LGI4: variants seen among roughly 807,000 people sequenced by gnomAD.
The protein encoded by LGI4 is leucine-rich repeat LGI family member 4.
LGI4 carries 36 observed loss-of-function variants against 48.3 expected under a neutral mutation model. The observed-to-expected ratio is 0.75, with a 90% CI of 0.57 to 0.98. The LOEUF (loss-of-function observed/expected upper bound fraction) is 0.98. Ranked by LOEUF, LGI4 falls within the 50% of genes least tolerant of loss-of-function variation. The pLI is 0.00. For missense variants in LGI4, 701 were observed against 732.1 expected, an observed-to-expected ratio of 0.96 and a Z score of 0.49; for synonymous variants, 355 against 331.6, an observed-to-expected ratio of 1.07 and a Z score of -0.77.
intron 6 of LGI4, among the ~76,000 whole-genome samples, chr19:35,127,795 T>A (rs1477496816): frequency 6.6e-6 from 1 of 152,226 alleles, no homozygotes; most frequent in Admixed American, 6.5e-5. Flanking sequence ...CATTCTGTGA[T>A]GATTTCCCCT....
chr19:35,125,063 T>C lies in LGI4; in HGVS notation c.*130A>G. On this transcript the variant is annotated 3_prime_UTR_variant, in exon 9 of 9. Coordinates refer to ENST00000310123, the MANE Select transcript of LGI4 (RefSeq NM_139284.3). ...TCCTTTAAGAAGTGGGCTTAAGGCC[T>C]AGACGTGTGGCTGATGAACGTGGCC... 1.4e-6 allele frequency: 1 copy of C among 740,682 alleles called. No individual in the cohort carries two copies. Among genetic ancestry groups the C allele is most frequent in the Non-Finnish European group, 2.1e-6 (1 of 477,136 alleles). The allele number at this position is 740,682 out of a possible 1,614,324, so 45.9% of individuals were successfully genotyped here.
chr19:35,132,572 C>T (rs529360749), intron 3 of LGI4, among the ~76,000 whole-genome samples: 1 of 152,288 alleles, frequency 6.6e-6, no homozygotes, highest in Admixed American at 6.5e-5. Context: ...CCAATAACTG[C>T]TGTTATCCCC....
rs984847581 is a variant in LGI4 at position 35,125,076 on chromosome 19, G to A, written c.*117C>T. On this transcript the variant is annotated 3_prime_UTR_variant, in exon 9 of 9. Transcript: ENST00000310123. ...GGGCTTAAGGCCTAGACGTGTGGCT[G>A]ATGAACGTGGCCCACGGTCAGCAGC... 6 of 835,862 alleles carry A rather than the reference G, an allele frequency of 7.2e-6. No homozygotes were observed. Among genetic ancestry groups the A allele is most frequent in the East Asian group, 2.7e-5 (1 of 37,468 alleles). The allele number at this position is 835,862 out of a possible 1,614,324, so 51.8% of individuals were successfully genotyped here. A position where few individuals can be genotyped will look rare whatever the true frequency, so the allele number is the denominator to read the frequency against.
intron 4 of LGI4, 54 bp downstream of exon 4, chr19:35,131,915 TGG>T (rs971484223): frequency 1.5e-4 from 232 of 1,566,536 alleles, no homozygotes; most frequent in Non-Finnish European, 1.9e-4. Flanking sequence ...CTGTGTTCCC[TGG>T]GGGGTGGAGC....
At chr19:35,134,388 C>T in intron 1 of LGI4, 123 bp downstream of exon 1, 5 of 1,021,990 alleles carry the variant, frequency 4.9e-6, no homozygotes, top group South Asian at 3.1e-5. Context: ...ACAGGCTTTG[C>T]TGCCCATCTC....
intron 6 of LGI4, among the ~76,000 whole-genome samples, chr19:35,130,084 A>C (rs575721366): frequency 5.5e-4 from 84 of 152,244 alleles, no homozygotes; most frequent in African/African-American, 1.9e-3. Flanking sequence ...TCCTTTGCTC[A>C]CATGTTTTCC....
intron 6 of LGI4, among the ~76,000 whole-genome samples, chr19:35,129,176 T>C (rs2065159260): frequency 6.6e-6 from 1 of 152,298 alleles, no homozygotes; most frequent in South Asian, 2.1e-4. Context: ...CTGAGTGGAC[T>C]TCAGTGAACA....
rs1244254342 is a variant in LGI4, at chr19:35,125,505, G to T, written c.1302C>A (p.Val434=). The change falls in exon 9 of 9, where the codon GTC becomes GTA. Residue 434 remains valine (V), a splice_region_variant and synonymous_variant. Transcript: ENST00000310123. ...GAAACATGGAGCCGTCCCAGCGCAT[G>T]ACCTGTGGGGGTGTGGCCAGTGAGG... The part of the protein sequence containing the change: ...CLTRYIGDSM[V]MRWDGSMFRL... 6.5e-7 allele frequency: 1 copy of T among 1,548,262 alleles called. No individual in the cohort carries two copies. The highest frequency in any genetic ancestry group is 1.9e-5 in the Admixed American group (1 of 52,172).
chr19:35,134,554 AG>A lies in LGI4; in HGVS notation c.126del (p.Ser43ProfsTer25). On this transcript the variant is annotated frameshift_variant, in exon 1 of 9. Coordinates refer to ENST00000310123, the MANE Select transcript of LGI4 (RefSeq NM_139284.3). LOFTEE classifies it high-confidence loss of function. ...SCSKDSALCE[G>X]SPDLPVSFSP... ...GAGAAGCTGACGGGCAGGTCCGGGG[AG>A]CCCTCACACAGGGCGCTGTCTTTAG... 1.3e-6 allele frequency: 2 copies of A among 1,585,966 alleles called. No individual in the cohort carries two copies. Among genetic ancestry groups the A allele is most frequent in the Non-Finnish European group, 1.7e-6 (2 of 1,166,672 alleles).
chr19:35,126,713 G>T lies in LGI4; in HGVS notation c.856C>A (p.Arg286Ser). 1 of 1,539,630 alleles carries T rather than the reference G, an allele frequency of 6.5e-7. No homozygotes were observed. Reference protein sequence around the residue: ...LGPSLFVLAARLWGGSQLWAR... With the variant: ...LGPSLFVLAASLWGGSQLWAR... ...CACAGCTGTGAGCCCCCCCACAGGC[G>T]GGCAGCCAGCACGAAGAGGCTCGGG... is the stretch of plus-strand genomic sequence containing the variant. Residue 286 changes from arginine (R) to serine (S), a missense_variant, in exon 8 of 9, where the codon CGC becomes AGC. Coordinates refer to ENST00000310123, the MANE Select transcript of LGI4 (RefSeq NM_139284.3).
rs1255092377 is a variant in LGI4 at position 35,132,020 on chromosome 19, C to G, written c.337G>C (p.Gly113Arg). The G allele has an allele frequency of 3.8e-6, 6 of 1,584,160 alleles. No individual in the cohort carries two copies. Among genetic ancestry groups the G allele is most frequent in the African/African-American group, 1.3e-5 (1 of 74,520 alleles). ...QYLFIEDNEIGSISKNALRGL... is the reference protein window; with the variant it reads ...QYLFIEDNEIRSISKNALRGL... ...CTGAGGGCATTCTTAGAGATGGAGC[C>G]AATCTCATTGTCCTCGATGAAGCTG... Residue 113 changes from glycine (G) to arginine (R), a missense_variant, in exon 4 of 9, where the codon GGC (glycine) becomes CGC (arginine). Gly to Arg is a moderately radical substitution (Grantham distance 125). This residue lies in a region of LGI4 where 462 missense variants were observed against 436.4 expected (regional missense o/e 1.06). Coordinates refer to ENST00000310123, the MANE Select transcript of LGI4 (RefSeq NM_139284.3).
At chr19:35,131,948 G>T in intron 4 of LGI4, 23 bp downstream of exon 4, 1 of 1,581,026 alleles carries the variant, frequency 6.3e-7, no homozygotes, top group Non-Finnish European at 8.6e-7. Flanking sequence ...CTCATGGAGG[G>T]CTGGGGCGGT....
In LGI4 at chr19:35,131,781, A is replaced by T. The variant is rs2065177188; in HGVS notation, c.458+8T>A. On this transcript the variant is annotated splice_region_variant and intron_variant, in intron 5 of 8. Coordinates refer to ENST00000310123, the MANE Select transcript of LGI4 (RefSeq NM_139284.3). ...ACCCCCCACATTCCCAGCCCCCATG[A>T]GCCTCACACATGAGTAAGGGTGTCC... 6.5e-7 allele frequency: 1 copy of T among 1,536,816 alleles called. No homozygotes were observed. Among genetic ancestry groups the T allele is most frequent in the African/African-American group, 1.4e-5 (1 of 72,924 alleles).
chr19:35,126,869 G>A lies in LGI4; in HGVS notation c.777C>T (p.Pro259=), dbSNP rs142079025. The part of the protein sequence containing the change: ...SWDYSLQRFR[P]EEELPAASVV... ...GGGGCTCACCGGGCAGCTCTTCCTC[G>A]GGCCGGAAGCGCTGCAGGCTGTAGT... Residue 259 remains proline (P), a synonymous_variant, in exon 7 of 9, where the codon CCC becomes CCT. Coordinates refer to ENST00000310123, the MANE Select transcript of LGI4 (RefSeq NM_139284.3). 9.9e-6 allele frequency: 16 copies of A among 1,611,634 alleles called. No homozygotes were observed. Among genetic ancestry groups the A allele is most frequent in the East Asian group, 8.9e-5 (4 of 44,842 alleles).
In LGI4 at chr19:35,134,944, G is replaced by A; in HGVS notation, c.-264C>T. ...TGTGTGTTAGTCTGTTTCTATTTCT[G>A]TCTTTGTCTCTCTTTCTGCCTGTTT... On this transcript the variant is annotated 5_prime_UTR_variant, in exon 1 of 9. Transcript: ENST00000310123. 2.1e-6 allele frequency: 1 copy of A among 470,352 alleles called. No homozygotes were observed. The highest frequency in any genetic ancestry group is 3.6e-5 in the East Asian group (1 of 27,410). The allele number at this position is 470,352 out of a possible 1,614,324, so 29.1% of individuals were successfully genotyped here.
intron 6 of LGI4, among the ~76,000 whole-genome samples, chr19:35,127,544 C>T (rs1279352876): frequency 2.0e-5 from 3 of 152,138 alleles, no homozygotes; most frequent in East Asian, 3.9e-4. Flanking sequence ...CCCGCTACCA[C>T]GCCCAGCTAA....
chr19:35,134,566 G>C lies in LGI4; in HGVS notation c.115C>G (p.Leu39Val), dbSNP rs775412242. ...GGCAGGTCCGGGGAGCCCTCACACA[G>C]GGCGCTGTCTTTAGAGCAGGAGCAG... ...LRCSCSKDSALCEGSPDLPVS... is the reference protein window; with the variant it reads ...LRCSCSKDSAVCEGSPDLPVS... Residue 39 changes from leucine (L) to valine (V), a missense_variant, in exon 1 of 9, where the codon CTG becomes GTG. This residue lies in a region of LGI4 where 462 missense variants were observed against 436.4 expected (regional missense o/e 1.06). Coordinates refer to ENST00000310123, the MANE Select transcript of LGI4 (RefSeq NM_139284.3). 4 of 1,585,166 alleles carry C rather than the reference G, an allele frequency of 2.5e-6. No homozygotes were observed. The Admixed American group carries it at 5.5e-5, about 22-fold the overall frequency.
chr19:35,133,638 A>T (rs2065189784), intron 3 of LGI4, 55 bp downstream of exon 3: 2 of 1,536,992 alleles, frequency 1.3e-6, no homozygotes, highest in East Asian at 2.4e-5. Flanking sequence ...TGGGAGCCAC[A>T]GAAGGGTCCC....
chr19:35,131,607 G>C, intron 5 of LGI4, 52 bp from the exon 6 acceptor site: 1 of 1,529,450 alleles, frequency 6.5e-7, no homozygotes, highest in Non-Finnish European at 8.8e-7. Flanking sequence ...CGCCCTGGGG[G>C]CCATGCTCCT....
Sources: allele counts gnomAD v4.1 joint callset (sites outside exome capture counted in the v4.1 genomes callset), GRCh38; gene constraint gnomAD v4.1.1; regional missense constraint gnomAD v4.1.1; transcripts MANE v1.5; gene names NCBI Gene and HGNC (gene_info 2026-07-23, HGNC 2026-07-21).